Variants in ARL14EP observed in about 807,000 individuals in gnomAD.
ARL14EP encodes ARF like GTPase 14 effector protein.
Under a neutral mutation model 23.1 loss-of-function variants are expected in ARL14EP, and 12 were observed. The observed-to-expected ratio is 0.52, with a 90% CI of 0.33 to 0.84. ARL14EP has a LOEUF of 0.84. Among genes scored for constraint, ARL14EP ranks in the 40% least tolerant of loss-of-function variants. The probability of loss-of-function intolerance (pLI) is 0.02; values close to 1 mark genes in which losing one functional copy is unlikely to be tolerated. For synonymous variants in ARL14EP, 97 were observed against 102.0 expected (o/e 0.95, Z 0.29); for missense variants, 253 against 307.3 (o/e 0.82, Z 1.32).
At chr11:30,336,483 C>T in intron 3 of ARL14EP, 84 bp from the exon 4 acceptor site, 2 of 1,175,264 alleles carry the variant, frequency 1.7e-6, no homozygotes, top group Non-Finnish European at 2.4e-6. Context: ...AATATTTTAT[C>T]TCCTTTTTTT....
chr11:30,331,582 T>C, intron 2 of ARL14EP: 5 of 1,414,398 alleles, frequency 3.5e-6, no homozygotes, highest in Non-Finnish European at 3.7e-6. Context: ...CCTGGGAAAG[T>C]AATAATAAAA....
chr11:30,334,644 A>G (rs572656418), intron 3 of ARL14EP, among the ~76,000 whole-genome samples: 2 of 152,166 alleles, frequency 1.3e-5, no homozygotes, highest in African/African-American at 2.4e-5. Flanking sequence ...GTGACTTTTA[A>G]GTTGAAGCCA....
intron 3 of ARL14EP, among the ~76,000 whole-genome samples, chr11:30,333,968 A>G (rs146609471): frequency 6.6e-6 from 1 of 152,326 alleles, no homozygotes; most frequent in East Asian, 1.9e-4. Context: ...AGATCAAACC[A>G]GCTACAACAC....
In ARL14EP at chr11:30,331,255, G is replaced by A. The variant is rs1287426431; in HGVS notation, c.307G>A (p.Ala103Thr). 2 of 1,613,852 alleles carry A rather than the reference G, an allele frequency of 1.2e-6. No homozygotes were observed. ...IDLDDATFLSAKFGRQLVPGW... is the reference protein window; with the variant it reads ...IDLDDATFLSTKFGRQLVPGW... ...CTTAGATGATGCCACTTTTCTGAGT[G>A]CTAAATTTGGAAGACAGCTTGTACC... Residue 103 changes from alanine (A) to threonine (T), a missense_variant, in exon 2 of 4, where the codon GCT (alanine) becomes ACT (threonine). Coordinates refer to ENST00000282032, the MANE Select transcript of ARL14EP (RefSeq NM_152316.3).
rs369601355 is a variant in ARL14EP, at chr11:30,327,802, C to CAA, written c.-63-3068_-63-3067dup. Reference sequence around the variant, plus strand: ...TGAAACGCCATCTCTACTAAAAATACAAAAAAAAAAAAAAAAAGCAAAATT... The same window carrying CAA: ...TGAAACGCCATCTCTACTAAAAATACAAAAAAAAAAAAAAAAAAAGCAAAATT... On this transcript the variant is annotated intron_variant, in intron 1 of 3. Coordinates refer to ENST00000282032, the MANE Select transcript of ARL14EP (RefSeq NM_152316.3). 8.0e-3 allele frequency among the ~76,000 whole-genome samples: 924 copies of CAA among 115,264 alleles called. 7 individuals carry two copies. The highest frequency in any genetic ancestry group is 0.018 in the African/African-American group (553 of 30,352). 75.6% of individuals were successfully genotyped at this position (115,264 alleles called of 152,430 possible). A position where few individuals can be genotyped will look rare whatever the true frequency, so the allele number is the denominator to read the frequency against.
chr11:30,338,223 ATAAACTT>A (rs1947349756), downstream of ARL14EP: 1 of 152,252 alleles, frequency 6.6e-6, no homozygotes, highest in African/African-American at 2.4e-5. Flanking sequence ...TTTTAATACT[ATAAACTT>A]TTCATTGTTA....
intron 1 of ARL14EP, among the ~76,000 whole-genome samples, chr11:30,323,820 T>C (rs1947215046): frequency 1.3e-5 from 2 of 152,188 alleles, no homozygotes; most frequent in South Asian, 4.1e-4. Context: ...AGTTTCTTCA[T>C]CTGTAAATGA....
At chr11:30,336,457 C>T (rs1947332623) in intron 3 of ARL14EP, 110 bp from the exon 4 acceptor site, 6 of 989,428 alleles carry the variant, frequency 6.1e-6, no homozygotes, top group Non-Finnish European at 9.0e-6. Flanking sequence ...ATGATTTTGG[C>T]ATGACCTCAT....
chr11:30,330,702 G>A (rs1026187234), intron 1 of ARL14EP, 184 bp from the exon 2 acceptor site: 7 of 424,122 alleles, frequency 1.7e-5, no homozygotes, highest in East Asian at 8.8e-5. Flanking sequence ...AGATGTTTTC[G>A]TGAAGTTCTG....
At chr11:30,325,500 G>C (rs1947229837) in intron 1 of ARL14EP, among the ~76,000 whole-genome samples, 1 of 152,054 alleles carries the variant, frequency 6.6e-6, no homozygotes, top group Non-Finnish European at 1.5e-5. Context: ...GCCAAAAAGT[G>C]TTTTTATTAT....
chr11:30,332,897 A>C lies in ARL14EP; in HGVS notation c.458A>C (p.Gln153Pro), dbSNP rs766451036. Residue 153 changes from glutamine to proline, a missense_variant, in exon 3 of 4, where the codon CAA becomes CCA. Transcript: ENST00000282032. ...GRTAKALRSL[Q>P]FTNPGRQTEF... ...ACTGCTAAAGCTTTGAGGTCATTAC[A>C]ATTTACGAATCCAGGAAGGCAAACT... 9 of 1,613,506 alleles carry C rather than the reference A, an allele frequency of 5.6e-6. 1 individual carries two copies. The highest frequency in any genetic ancestry group is 7.6e-6 in the Non-Finnish European group (9 of 1,179,652).
At chr11:30,331,800 G>T in intron 2 of ARL14EP, 1 of 997,702 alleles carries the variant, frequency 1.0e-6, no homozygotes, top group Non-Finnish European at 1.2e-6. Flanking sequence ...ACATTAGAGA[G>T]GTGACTTACA....
At chr11:30,334,870 T>C (rs966974717) in intron 3 of ARL14EP, among the ~76,000 whole-genome samples, 1 of 152,256 alleles carries the variant, frequency 6.6e-6, no homozygotes, top group African/African-American at 2.4e-5. Flanking sequence ...TCAGGAGCTC[T>C]GATAGAGATG....
chr11:30,336,117 T>C (rs1467652145), intron 3 of ARL14EP, among the ~76,000 whole-genome samples: 3 of 152,154 alleles, frequency 2.0e-5, no homozygotes, highest in Non-Finnish European at 4.4e-5. Flanking sequence ...CATTGAGTCA[T>C]TTAAATATTT....
At chr11:30,326,828 T>G (rs984413288) in intron 1 of ARL14EP, among the ~76,000 whole-genome samples, 4 of 152,032 alleles carry the variant, frequency 2.6e-5, no homozygotes, top group Non-Finnish European at 5.9e-5. Context: ...GCAGTTTTAC[T>G]CAGGTGTGTG....
At position 30,337,861 on chromosome 11, in the gene ARL14EP, T is replaced by C. The variant is rs542329717; in HGVS notation, c.*1066T>C. 4 of 152,354 alleles carry C rather than the reference T, an allele frequency of 2.6e-5. No individual in the cohort carries two copies. Among genetic ancestry groups the C allele is most frequent in the African/African-American group, 4.8e-5 (2 of 41,582 alleles). The allele number at this position is 152,354 out of a possible 1,614,324, so 9.4% of individuals were successfully genotyped here. ...GTTTTTACAATGAAATAAAACACTT[T>C]AATTCTATTTCTAATGTTTTAAATT... is the stretch of plus-strand genomic sequence containing the variant. On this transcript the variant is annotated 3_prime_UTR_variant, in exon 4 of 4. Coordinates refer to ENST00000282032, the MANE Select transcript of ARL14EP (RefSeq NM_152316.3).
intron 1 of ARL14EP, among the ~76,000 whole-genome samples, chr11:30,327,500 G>A (rs1291580658): frequency 6.6e-6 from 1 of 152,056 alleles, no homozygotes; most frequent in Non-Finnish European, 1.5e-5. Context: ...CCCAAGTTTT[G>A]AATATTAGGA....
intron 2 of ARL14EP, 29 bp from the exon 3 acceptor site, chr11:30,332,837 G>C (rs894551530): frequency 3.1e-6 from 5 of 1,609,760 alleles, no homozygotes; most frequent in South Asian, 1.1e-5. Flanking sequence ...GTCAAGATTT[G>C]AGTTGATAAT....
Position 30,325,046 on chromosome 11 carries a change from G to T in ARL14EP, c.-64+1844G>T, listed in dbSNP as rs544603536. Among the ~76,000 whole-genome samples the T allele has an allele frequency of 3.3e-5, 5 of 152,252 alleles. No individual in the cohort carries two copies. The South Asian group carries it at 1.0e-3, about 32-fold the overall frequency. On this transcript the variant is annotated intron_variant, in intron 1 of 3. Coordinates refer to ENST00000282032, the MANE Select transcript of ARL14EP (RefSeq NM_152316.3). Reference sequence around the variant, plus strand: ...ACTTAGGAGAGACTTTATTCAAAAGGGTTATCACAAAAGGAGAAAAGGGAC... The same window carrying T: ...ACTTAGGAGAGACTTTATTCAAAAGTGTTATCACAAAAGGAGAAAAGGGAC...
Sources: gnomAD v4.1 joint callset for allele counts (sites outside exome capture counted in the v4.1 genomes callset) on GRCh38, gnomAD v4.1.1 for gene constraint, MANE v1.5 for transcripts, NCBI Gene and HGNC (gene_info 2026-07-23, HGNC 2026-07-21) for gene names.